The following AHCTF1 variants were observed in gnomAD, a reference collection of about 807,000 sequenced individuals.
AHCTF1 encodes AT-hook containing transcription factor 1.
A neutral mutation model predicts 248.4 loss-of-function variants in AHCTF1; 24 were observed. The observed-to-expected ratio is 0.10, with a 90% CI of 0.07 to 0.14. The LOEUF (loss-of-function observed/expected upper bound fraction) is 0.14, where lower values mean the gene tolerates loss of function less well. Among genes scored for constraint, AHCTF1 ranks in the 10% least tolerant of loss-of-function variants. The pLI, the probability that AHCTF1 is intolerant of heterozygous loss-of-function variation, is 1.00. For missense variants in AHCTF1, 2,206 were observed against 2,636.2 expected, an observed-to-expected ratio of 0.84 and a Z score of 3.57; for synonymous variants, 786 against 929.8, an observed-to-expected ratio of 0.85 and a Z score of 2.81.
At chr1:246,901,257 C>T (rs534973079) in intron 8 of AHCTF1, among the ~76,000 whole-genome samples, 4 of 152,294 alleles carry the variant, frequency 2.6e-5, no homozygotes, top group South Asian at 4.1e-4. Flanking sequence ...GGGAGGATCG[C>T]TTGAACCTGG....
intron 1 of AHCTF1, among the ~76,000 whole-genome samples, chr1:246,924,864 T>G (rs1412538034): frequency 9.9e-6 from 1 of 100,794 alleles, no homozygotes; most frequent in African/African-American, 4.8e-5. Context: ...TAACCTAATA[T>G]AAAGGTGTGC....
intron 34 of AHCTF1, 30 bp downstream of exon 34, chr1:246,843,765 A>G (rs763488686): frequency 4.9e-5 from 65 of 1,339,200 alleles, no homozygotes; most frequent in Middle Eastern, 2.9e-4. Flanking sequence ...TGTTTTAACA[A>G]ACATACAAAT....
At chr1:246,917,959 A>G (rs1666258298) in intron 2 of AHCTF1, among the ~76,000 whole-genome samples, 1 of 152,180 alleles carries the variant, frequency 6.6e-6, no homozygotes, top group Admixed American at 6.6e-5. Flanking sequence ...AATTATAAGG[A>G]AAAACTAGTT....
intron 29 of AHCTF1, among the ~76,000 whole-genome samples, chr1:246,858,330 C>T (rs1485476419): frequency 6.6e-6 from 1 of 152,114 alleles, no homozygotes; most frequent in Admixed American, 6.5e-5. Context: ...TCACTTTTTG[C>T]TGAACAGGCA....
intron 8 of AHCTF1, among the ~76,000 whole-genome samples, chr1:246,901,202 A>G (rs915852711): frequency 2.0e-5 from 3 of 152,130 alleles, no homozygotes; most frequent in African/African-American, 7.2e-5. Flanking sequence ...TTAGCCGGGC[A>G]TTGTGGCATG....
At chr1:246,916,047 C>A in intron 3 of AHCTF1, 95 bp downstream of exon 3, 2 of 1,361,782 alleles carry the variant, frequency 1.5e-6, no homozygotes, top group South Asian at 1.5e-5. Flanking sequence ...GTAAATGTTG[C>A]GGGTCAGTGA....
At chr1:246,903,773 G>C (rs1665181503) in intron 7 of AHCTF1, among the ~76,000 whole-genome samples, 176 bp downstream of exon 7, 1 of 150,086 alleles carries the variant, frequency 6.7e-6, no homozygotes, top group Admixed American at 6.6e-5. Context: ...GGGTGGCGGA[G>C]GTTGCAGTGA....
rs1572465806 is a variant in AHCTF1, at chr1:246,918,241, T to C, written c.121+9A>G. On this transcript the variant is annotated intron_variant, in intron 2 of 35. Coordinates refer to ENST00000648844, the MANE Select transcript of AHCTF1 (RefSeq NM_001323342.2). ...TGTATTAGTAAATGTTCAGTGACAT[T>C]ATGTTTACCTGCAGCAAACTTTCCA... is the stretch of plus-strand genomic sequence containing the variant. The C allele has an allele frequency of 1.2e-6, 2 of 1,604,366 alleles. No homozygotes were observed. The highest frequency in any genetic ancestry group is 1.7e-6 in the Non-Finnish European group (2 of 1,176,216).
chr1:246,897,797 A>G (rs1203214044), intron 12 of AHCTF1, among the ~76,000 whole-genome samples: 1 of 152,090 alleles, frequency 6.6e-6, no homozygotes, highest in African/African-American at 2.4e-5. Context: ...CCTAGGCAAC[A>G]TAGCGAGACC....
chr1:246,880,334 G>A (rs556837986), intron 21 of AHCTF1, among the ~76,000 whole-genome samples: 1 of 151,992 alleles, frequency 6.6e-6, no homozygotes, highest in East Asian at 1.9e-4. Flanking sequence ...GGAGCCCGAG[G>A]CGGGCAGATC....
At chr1:246,841,458 C>G (rs1176438777) in intron 35 of AHCTF1, among the ~76,000 whole-genome samples, 1 of 152,150 alleles carries the variant, frequency 6.6e-6, no homozygotes, top group Non-Finnish European at 1.5e-5. Flanking sequence ...TATATGTAAA[C>G]AGTGGTATTA....
intron 4 of AHCTF1, among the ~76,000 whole-genome samples, chr1:246,909,274 G>A (rs993857127): frequency 2.8e-5 from 4 of 145,246 alleles, no homozygotes; most frequent in Non-Finnish European, 6.0e-5. Context: ...AAAATTGGCC[G>A]CACATGGTGG....
rs1017038425 is a variant in AHCTF1, at chr1:246,931,896, CG to C, written c.-327del. 2 of 152,776 alleles carry C rather than the reference CG, an allele frequency of 1.3e-5. No individual in the cohort carries two copies. The highest frequency in any genetic ancestry group is 2.9e-5 in the Non-Finnish European group (2 of 68,512). The allele number at this position is 152,776 out of a possible 1,614,324, so 9.5% of individuals were successfully genotyped here. On this transcript the variant is annotated 5_prime_UTR_variant, in exon 1 of 36. The change abolishes the stop of an existing upstream ORF in the 5' untranslated region. Coordinates refer to ENST00000648844, the MANE Select transcript of AHCTF1 (RefSeq NM_001323342.2). Reference sequence around the variant, plus strand: ...CCTTCCCCTTGCAACGCTGCCTGCTCGCCTCGGACAGCGCCGGCCCCGCTCT... The same window carrying C: ...CCTTCCCCTTGCAACGCTGCCTGCTCCCTCGGACAGCGCCGGCCCCGCTCT...
intron 21 of AHCTF1, among the ~76,000 whole-genome samples, chr1:246,882,154 C>T (rs1252629231): frequency 6.6e-6 from 1 of 151,694 alleles, no homozygotes. Flanking sequence ...TGCACCACCT[C>T]GCCCAGCTAA....
chr1:246,874,522 C>T (rs950726887), intron 24 of AHCTF1, among the ~76,000 whole-genome samples: 6 of 152,128 alleles, frequency 3.9e-5, no homozygotes, highest in Non-Finnish European at 8.8e-5. Context: ...ATTTTTCTAA[C>T]CAACTTGACA....
At chr1:246,865,713 G>A (rs1183441979) in intron 26 of AHCTF1, among the ~76,000 whole-genome samples, 4 of 152,110 alleles carry the variant, frequency 2.6e-5, no homozygotes, top group East Asian at 1.9e-4. Flanking sequence ...TACCTACCAA[G>A]TCAAAGCAAA....
chr1:246,868,126 T>TG, intron 24 of AHCTF1, among the ~76,000 whole-genome samples: 1 of 143,946 alleles, frequency 6.9e-6, no homozygotes, highest in Non-Finnish European at 1.5e-5. Context: ...CAAGCCCGGC[T>TG]AATTTTTTTT....
chr1:246,869,632 T>C (rs1662419083), intron 24 of AHCTF1, among the ~76,000 whole-genome samples: 1 of 151,804 alleles, frequency 6.6e-6, no homozygotes. Flanking sequence ...CTTCTATCAA[T>C]GGAAAAAGCC....
intron 1 of AHCTF1, among the ~76,000 whole-genome samples, chr1:246,919,533 GA>G (rs2103232555): frequency 1.3e-5 from 2 of 152,112 alleles, no homozygotes; most frequent in South Asian, 4.1e-4. Context: ...CTAATATGGT[GA>G]AAACCCGTCT....
Sources: allele counts gnomAD v4.1 joint callset (sites outside exome capture counted in the v4.1 genomes callset), GRCh38; gene constraint gnomAD v4.1.1; transcripts MANE v1.5; gene names NCBI Gene and HGNC (gene_info 2026-07-23, HGNC 2026-07-21).